Variants in ABL2 observed in about 807,000 individuals in gnomAD.
ABL2 encodes the protein ABL proto-oncogene 2, non-receptor tyrosine kinase.
In ABL2, 49 loss-of-function variants were observed where a neutral mutation model predicts 107.7. That is an observed-to-expected ratio of 0.45 (90% CI 0.36 to 0.58). The LOEUF is 0.58. Among genes scored for constraint, ABL2 ranks in the 20% least tolerant of loss-of-function variants. The pLI, the probability that ABL2 is intolerant of heterozygous loss-of-function variation, is 0.00. For missense variants in ABL2, 1,245 were observed against 1,457.0 expected, an observed-to-expected ratio of 0.85 and a Z score of 2.37; for synonymous variants, 549 against 548.6, an observed-to-expected ratio of 1.00 and a Z score of -0.01.
In ABL2 at chr1:179,109,447, G is replaced by A. The variant is rs762274040; in HGVS notation, c.1826-6C>T. 1.3e-6 allele frequency: 2 copies of A among 1,599,456 alleles called. No individual in the cohort carries two copies. Among genetic ancestry groups the A allele is most frequent in the Middle Eastern group, 3.4e-4 (2 of 5,964 alleles). ...CTGTGCACCTCTGATGAACCCTGAT[G>A]AGAAATGGCCGATCAGTAACTTAAA... On this transcript the variant is annotated splice_polypyrimidine_tract_variant and splice_region_variant and intron_variant, in intron 11 of 11. Coordinates refer to ENST00000502732, the MANE Select transcript of ABL2 (RefSeq NM_007314.4).
intron 9 of ABL2, among the ~76,000 whole-genome samples, chr1:179,112,902 A>G (rs1306347070): frequency 6.6e-6 from 1 of 151,952 alleles, no homozygotes; most frequent in Non-Finnish European, 1.5e-5. Context: ...CTACAGGCGC[A>G]CGCCACCACG....
chr1:179,122,061 G>C (rs990436094), intron 4 of ABL2, among the ~76,000 whole-genome samples, 194 bp from the exon 5 acceptor site: 3 of 150,956 alleles, frequency 2.0e-5, no homozygotes, highest in African/African-American at 7.3e-5. Context: ...TGAGTAGGTG[G>C]GACTATAGGC....
Position 179,224,135 on chromosome 1 carries a change from A to G in ABL2, c.157+5106T>C, listed in dbSNP as rs1230016482. Among the ~76,000 whole-genome samples the G allele has an allele frequency of 1.1e-4, 7 of 63,718 alleles. No individual in the cohort carries two copies. The South Asian group carries it at 3.0e-3, about 28-fold the overall frequency. 41.8% of individuals were successfully genotyped at this position (63,718 alleles called of 152,430 possible). Reference sequence around the variant, plus strand: ...AAGAGAGTGAGACCCTACTCACTACAAAAAAAAAAAAAAAAAAAAAAAACT... The same window carrying G: ...AAGAGAGTGAGACCCTACTCACTACGAAAAAAAAAAAAAAAAAAAAAAACT... On this transcript the variant is annotated intron_variant, in intron 1 of 11. Transcript: ENST00000502732.
intron 1 of ABL2, among the ~76,000 whole-genome samples, chr1:179,191,413 CTTTTTTTTTTT>C (rs35362624): frequency 3.1e-4 from 24 of 77,176 alleles, no homozygotes; most frequent in East Asian, 1.3e-3. Flanking sequence ...TATGAAATCC[CTTTTTTTTTTT>C]TTTTTTTTTT....
At chr1:179,130,018 C>T (rs759701808) in intron 3 of ABL2, among the ~76,000 whole-genome samples, 6 of 152,202 alleles carry the variant, frequency 3.9e-5, no homozygotes, top group Non-Finnish European at 8.8e-5. Context: ...CAGCTCAATG[C>T]AACCTCCCCG....
chr1:179,223,231 A>T (rs886277489), intron 1 of ABL2, among the ~76,000 whole-genome samples: 5 of 151,816 alleles, frequency 3.3e-5, no homozygotes, highest in African/African-American at 1.2e-4. Flanking sequence ...CTGGCCCAGT[A>T]CAGCAAGACC....
chr1:179,110,432 C>T lies in ABL2; in HGVS notation c.1675G>A (p.Ala559Thr). ...GGAACAACAGATGACGAGGAGGCGG[C>T]TCTCCCAAGCTCCTCAGCTACCTCT... ...SEEVAEELGR[A>T]ASSSSVVPYL... Residue 559 changes from alanine to threonine, a missense_variant, in exon 11 of 12, where the codon GCC becomes ACC. Physicochemically the swap from Ala to Thr is moderately conservative, Grantham distance 58. This residue lies in a region of ABL2 where 761 missense variants were observed against 766.4 expected (regional missense o/e 0.99). Transcript: ENST00000502732. 1.2e-6 allele frequency: 2 copies of T among 1,613,234 alleles called. No individual in the cohort carries two copies. The highest frequency in any genetic ancestry group is 1.7e-6 in the Non-Finnish European group (2 of 1,179,808).
chr1:179,140,346 T>C (rs1027524901), intron 1 of ABL2, among the ~76,000 whole-genome samples: 2 of 152,236 alleles, frequency 1.3e-5, no homozygotes, highest in African/African-American at 4.8e-5. Context: ...CTTCTCAGTA[T>C]GTCATTCTCT....
chr1:179,201,829 T>C (rs1661685847), intron 1 of ABL2: 8 of 1,176,722 alleles, frequency 6.8e-6, no homozygotes, highest in East Asian at 3.0e-5. Context: ...GCTATTAACA[T>C]GGTGACAGAA....
At chr1:179,110,167 C>A in intron 11 of ABL2, 115 bp downstream of exon 11, 1 of 1,273,796 alleles carries the variant, frequency 7.9e-7, no homozygotes. Context: ...GTAAAAGAGA[C>A]GCCATGCTTT....
Position 179,185,304 on chromosome 1 carries a change from C to T in ABL2, c.157+43937G>A, listed in dbSNP as rs1387973600. Among the ~76,000 whole-genome samples, 4 of 152,150 alleles carry T rather than the reference C, an allele frequency of 2.6e-5. No homozygotes were observed. The East Asian group carries it at 7.7e-4, about 29-fold the overall frequency. ...TAAATTGAGGTGTCTGACAGACATC[C>T]TTGCAGTTTAAGGTAATACTTTTAA... On this transcript the variant is annotated intron_variant, in intron 1 of 11. Transcript: ENST00000502732.
chr1:179,153,370 C>G (rs1658483685), intron 1 of ABL2, among the ~76,000 whole-genome samples: 1 of 152,042 alleles, frequency 6.6e-6, no homozygotes, highest in Non-Finnish European at 1.5e-5. Context: ...AATGCATTCT[C>G]TCATAGTTTG....
chr1:179,185,322 AC>A (rs1660621273), intron 1 of ABL2, among the ~76,000 whole-genome samples: 1 of 152,096 alleles, frequency 6.6e-6, no homozygotes, highest in East Asian at 1.9e-4. Context: ...TTAAGGTAAT[AC>A]TTTTAAAATA....
Position 179,104,321 on chromosome 1 carries a change from T to C in ABL2, c.*3397A>G, listed in dbSNP as rs1175136245. 2 of 227,470 alleles carry C rather than the reference T, an allele frequency of 8.8e-6. No individual in the cohort carries two copies. Among genetic ancestry groups the C allele is most frequent in the African/African-American group, 4.4e-5 (2 of 45,056 alleles). The allele number at this position is 227,470 out of a possible 1,614,324, so 14.1% of individuals were successfully genotyped here. On this transcript the variant is annotated 3_prime_UTR_variant, in exon 12 of 12. Transcript: ENST00000502732. ...TTAGAGCCTAAACACTAAACCACTA[T>C]CTATACTGCATCCTTTAAACTCAAA...
rs542784923 is a variant in ABL2, at chr1:179,122,159, C to T, written c.688-292G>A. 3.3e-5 allele frequency among the ~76,000 whole-genome samples: 5 copies of T among 151,504 alleles called. No homozygotes were observed. The East Asian group carries it at 7.7e-4, about 23-fold the overall frequency. ...TTGATCTCCTGACCTCGTGATCTGC[C>T]GGCCTCAGCCTCCCAAAGTGCTGGG... On this transcript the variant is annotated intron_variant, in intron 4 of 11. Transcript: ENST00000502732.
At chr1:179,229,198 C>CCCCCCCCCCCCCCCCCCCCCCCAAA in intron 1 of ABL2, 43 bp downstream of exon 1, 1 of 1,360,010 alleles carries the variant, frequency 7.4e-7, no homozygotes, top group East Asian at 3.1e-5. Flanking sequence ...ACCCCACCCC[C>CCCCCCCCCCCCCCCCCCCCCCCAAA]GGCCTCCCCC....
chr1:179,188,242 A>G (rs1432326203), intron 1 of ABL2, among the ~76,000 whole-genome samples: 1 of 152,166 alleles, frequency 6.6e-6, no homozygotes, highest in East Asian at 1.9e-4. Context: ...CCAGCCACCC[A>G]ATCTAAAACA....
At chr1:179,210,629 C>A (rs1210082287) in intron 1 of ABL2, among the ~76,000 whole-genome samples, 2 of 151,716 alleles carry the variant, frequency 1.3e-5, no homozygotes, top group Non-Finnish European at 2.9e-5. Flanking sequence ...GAGGTGGGCG[C>A]ATCACGAGGT....
At chr1:179,193,467 A>C (rs534370653) in intron 1 of ABL2, among the ~76,000 whole-genome samples, 2 of 146,952 alleles carry the variant, frequency 1.4e-5, no homozygotes, top group South Asian at 2.2e-4. Context: ...GCAATGGCGC[A>C]ATCTTGACTC....
Sources: allele counts gnomAD v4.1 joint callset (sites outside exome capture counted in the v4.1 genomes callset), GRCh38; gene constraint gnomAD v4.1.1; regional missense constraint gnomAD v4.1.1; transcripts MANE v1.5; gene names NCBI Gene and HGNC (gene_info 2026-07-23, HGNC 2026-07-21).